LRP1: variants seen among roughly 807,000 people sequenced by gnomAD.
The protein encoded by LRP1 is LDL receptor related protein 1, also known as prolow-density lipoprotein receptor-related protein 1.
LRP1 carries 51 observed loss-of-function variants against 541.5 expected under a neutral mutation model. The observed-to-expected ratio is 0.09, with a 90% CI of 0.08 to 0.12. LRP1 has a LOEUF of 0.12. LRP1 is among the 10% of genes least tolerant of loss of function. The pLI is 1.00. For missense variants in LRP1, 3,878 were observed against 6,376.2 expected (o/e 0.61, Z 13.34); for synonymous variants, 2,219 against 2,470.8 (o/e 0.90, Z 3.02).
At chr12:57,167,224 A>T (rs1004952199) in intron 18 of LRP1, among the ~76,000 whole-genome samples, 178 bp downstream of exon 18, 1 of 151,462 alleles carries the variant, frequency 6.6e-6, no homozygotes, top group Admixed American at 6.6e-5. Flanking sequence ...GTCTCAGCAA[A>T]CTCATGCAGG....
intron 6 of LRP1, among the ~76,000 whole-genome samples, chr12:57,146,218 C>T (rs1429859431): frequency 1.7e-5 from 2 of 116,876 alleles, no homozygotes; most frequent in South Asian, 2.7e-4. Flanking sequence ...ACACCAGCAA[C>T]CTTAAAAGTC....
intron 48 of LRP1, 70 bp downstream of exon 48, chr12:57,194,082 C>A: frequency 7.5e-7 from 1 of 1,337,688 alleles, no homozygotes; most frequent in Non-Finnish European, 1.1e-6. Context: ...CGCCTTCAGG[C>A]CCTCCTGCAC....
rs924428443 is a variant in LRP1, at chr12:57,203,302, G to A, written c.10818+15G>A. ...GCTCGGACGAGGTGGGCAGGGAGAT[G>A]AGAAGGAAGCAGATGGCCTCAGAGG... On this transcript the variant is annotated intron_variant, in intron 69 of 88. Coordinates refer to ENST00000243077, the MANE Select transcript of LRP1 (RefSeq NM_002332.3). 4 of 1,598,160 alleles carry A rather than the reference G, an allele frequency of 2.5e-6. No homozygotes were observed. Among genetic ancestry groups the A allele is most frequent in the Non-Finnish European group, 3.4e-6 (4 of 1,168,580 alleles).
At position 57,177,643 on chromosome 12, in the gene LRP1, G is replaced by T; in HGVS notation, c.4361+52G>T. Reference sequence around the variant, plus strand: ...GCCCAAGTCTGTGGCACCAGGACGGGGTGGGGAGGAACCTGTGGTGATGAG... The same window carrying T: ...GCCCAAGTCTGTGGCACCAGGACGGTGTGGGGAGGAACCTGTGGTGATGAG... On this transcript the variant is annotated intron_variant, in intron 26 of 88. Coordinates refer to ENST00000243077, the MANE Select transcript of LRP1 (RefSeq NM_002332.3). The surrounding 1 kb of genome is among the most constrained non-coding windows in gnomAD (Gnocchi z 6.8). The T allele has an allele frequency of 3.1e-6, 5 of 1,596,682 alleles. No homozygotes were observed. The highest frequency in any genetic ancestry group is 4.3e-6 in the Non-Finnish European group (5 of 1,169,524).
At position 57,184,965 on chromosome 12, in the gene LRP1, G is replaced by C; in HGVS notation, c.6313G>C (p.Glu2105Gln). 6.2e-7 allele frequency: 1 copy of C among 1,614,154 alleles called. No individual in the cohort carries two copies. Among genetic ancestry groups the C allele is most frequent in the South Asian group, 1.1e-5 (1 of 91,074 alleles). ...NMDMFSVSVF[E>Q]DFIYWSDRTH... is the part of the protein sequence containing the mutation. ...GGACATGTTTTCAGTGTCTGTGTTTGAGGATTTCATCTACTGGAGTGACAG... is the reference window on the plus strand; with the variant it reads ...GGACATGTTTTCAGTGTCTGTGTTTCAGGATTTCATCTACTGGAGTGACAG... The change falls in exon 39 of 89, where the codon GAG (glutamate) becomes CAG (glutamine). Residue 2105 changes from glutamate to glutamine, a missense_variant. Around this residue, in one of 13 missense-constraint regions of LRP1, gnomAD observed 1,100 missense variants for 1,827.4 expected, o/e 0.60. Transcript: ENST00000243077. This position sits in a 1 kb window ranked among gnomAD's most constrained non-coding sequence, Gnocchi z 7.8.
In LRP1 at chr12:57,165,763, C is replaced by T. The variant is rs776443472; in HGVS notation, c.2531-42C>T. The T allele has an allele frequency of 1.9e-5, 31 of 1,596,126 alleles. No individual in the cohort carries two copies. Among genetic ancestry groups the T allele is most frequent in the Admixed American group, 1.7e-4 (10 of 59,636 alleles). ...AAGGGCTTAGTACTTGTCCCACGAC[C>T]GGGGTCTGACTTTCCCCCTCACGAT... On this transcript the variant is annotated intron_variant, in intron 15 of 88. Coordinates refer to ENST00000243077, the MANE Select transcript of LRP1 (RefSeq NM_002332.3). This position sits in a 1 kb window ranked among gnomAD's most constrained non-coding sequence, Gnocchi z 4.5.
rs142834460 is a variant in LRP1 at position 57,183,456 on chromosome 12, G to T, written c.5740G>T (p.Ala1914Ser). The change falls in exon 35 of 89, where the codon GCC (alanine) becomes TCC (serine). Residue 1914 changes from alanine to serine, a missense_variant. Ala to Ser is a moderately conservative substitution (Grantham distance 99). Around this residue, in one of 13 missense-constraint regions of LRP1, gnomAD observed 394 missense variants for 635.9 expected, o/e 0.62. Coordinates refer to ENST00000243077, the MANE Select transcript of LRP1 (RefSeq NM_002332.3). The surrounding 1 kb of genome is among the most constrained non-coding windows in gnomAD (Gnocchi z 6.1). The part of the protein sequence containing the change: ...IPLDPNDKSD[A>S]LVPVSGTSLA... ...CCTGGATCCCAATGACAAGTCAGAT[G>T]CCCTGGTCCCAGTGTCCGGGACCTC... is the stretch of plus-strand genomic sequence containing the variant. 1 of 1,614,198 alleles carries T rather than the reference G, an allele frequency of 6.2e-7. No homozygotes were observed. Among genetic ancestry groups the T allele is most frequent in the Non-Finnish European group, 8.5e-7 (1 of 1,180,014 alleles).
In LRP1 at chr12:57,206,795, T is replaced by C; in HGVS notation, c.11859+54T>C. On this transcript the variant is annotated intron_variant, in intron 76 of 88. Transcript: ENST00000243077. This position sits in a 1 kb window ranked among gnomAD's most constrained non-coding sequence, Gnocchi z 4.7. ...TGGAAGAGCTCCATAGAGCAGGCGG[T>C]TCAGAGCAGGATTTGAAAAGGGCAG... is the stretch of plus-strand genomic sequence containing the variant. 1 of 1,584,022 alleles carries C rather than the reference T, an allele frequency of 6.3e-7. No individual in the cohort carries two copies. The highest frequency in any genetic ancestry group is 8.6e-7 in the Non-Finnish European group (1 of 1,167,862).
In LRP1 at chr12:57,205,801, CAT is replaced by C. The variant is rs2036765795; in HGVS notation, c.11590+126_11590+127del. The C allele has an allele frequency of 7.1e-7, 1 of 1,402,016 alleles. No homozygotes were observed. Among genetic ancestry groups the C allele is most frequent in the Non-Finnish European group, 9.6e-7 (1 of 1,043,354 alleles). 86.8% of individuals were successfully genotyped at this position (1,402,016 alleles called of 1,614,324 possible). On this transcript the variant is annotated intron_variant, in intron 75 of 88. Transcript: ENST00000243077. The surrounding 1 kb of genome is among the most constrained non-coding windows in gnomAD (Gnocchi z 4.6). ...TTGCCCAGACAAGAAGCCCCAGACT[CAT>C]AGTTGCAGCTGCCTGAGCACAGTGC...
Position 57,167,555 on chromosome 12 carries a change from C to G in LRP1, c.2995+31C>G. ...AGCTTGCTCTCCTCACCTGCTGATT[C>G]CTAAGACAGCTAGAGGCTACAGCCA... is the stretch of plus-strand genomic sequence containing the variant. On this transcript the variant is annotated intron_variant, in intron 19 of 88. Transcript: ENST00000243077. 1.9e-6 allele frequency: 3 copies of G among 1,570,668 alleles called. No homozygotes were observed. The South Asian group carries it at 3.3e-5, about 17-fold the overall frequency.
At chr12:57,198,439 A>T in intron 59 of LRP1, 26 bp from the exon 60 acceptor site, 1 of 1,611,356 alleles carries the variant, frequency 6.2e-7, no homozygotes, top group South Asian at 1.1e-5. Context: ...GGGATCTCCC[A>T]GGGCTCACTG....
In LRP1 at chr12:57,156,072, C is replaced by G. The variant is rs781742740; in HGVS notation, c.1228-22C>G. ...GGAACCCCTGTCATCTCATGCTGTC[C>G]ATTCTTGCCTGCCCGTCTCAGATTG... On this transcript the variant is annotated intron_variant, in intron 8 of 88. Transcript: ENST00000243077. This position sits in a 1 kb window ranked among gnomAD's most constrained non-coding sequence, Gnocchi z 5.2. 5 of 1,606,610 alleles carry G rather than the reference C, an allele frequency of 3.1e-6. No individual in the cohort carries two copies. The Admixed American group carries it at 8.4e-5, about 27-fold the overall frequency.
chr12:57,165,787 A>C lies in LRP1; in HGVS notation c.2531-18A>C, dbSNP rs752994882. ...CCGGGGTCTGACTTTCCCCCTCACG[A>C]TCCTGTGGTGCCCACAGCGAACCCA... On this transcript the variant is annotated intron_variant, in intron 15 of 88. Coordinates refer to ENST00000243077, the MANE Select transcript of LRP1 (RefSeq NM_002332.3). This position sits in a 1 kb window ranked among gnomAD's most constrained non-coding sequence, Gnocchi z 4.5. 2 of 1,611,234 alleles carry C rather than the reference A, an allele frequency of 1.2e-6. No individual in the cohort carries two copies. The highest frequency in any genetic ancestry group is 1.7e-6 in the Non-Finnish European group (2 of 1,177,562).
rs946820795 is a variant in LRP1, at chr12:57,195,462, G to A, written c.8437+63G>A. ...ATGGCCACAGTCTCACTTTGCAGAT[G>A]GGGAAGCCGGGGTGCAGGAGAGGAA... On this transcript the variant is annotated intron_variant, in intron 52 of 88. Transcript: ENST00000243077. The A allele has an allele frequency of 2.5e-6, 4 of 1,588,504 alleles. No homozygotes were observed. In the African/African-American group the frequency reaches 5.4e-5, roughly 21 times the overall value.
intron 79 of LRP1, 108 bp from the exon 80 acceptor site, chr12:57,209,584 A>G: frequency 1.1e-6 from 1 of 905,284 alleles, no homozygotes; most frequent in Non-Finnish European, 1.8e-6. Flanking sequence ...TTTGGTCTGG[A>G]TGTGTTGAGT....
In LRP1 at chr12:57,197,286, C is replaced by CCT; in HGVS notation, c.9077-10_9077-9dup. On this transcript the variant is annotated splice_polypyrimidine_tract_variant and intron_variant, in intron 56 of 88. Coordinates refer to ENST00000243077, the MANE Select transcript of LRP1 (RefSeq NM_002332.3). This position sits in a 1 kb window ranked among gnomAD's most constrained non-coding sequence, Gnocchi z 4.5. The stretch of plus-strand genomic sequence containing the variant: ...AATGTGCCAGGAGCTGAGGCAAGAT[C>CCT]CTCTGTCTGCAGACGAGGAACCGTT... The CCT allele has an allele frequency of 6.2e-7, 1 of 1,613,710 alleles. No individual in the cohort carries two copies.
In LRP1 at chr12:57,190,976, C is replaced by G. The variant is rs757500774; in HGVS notation, c.7203C>G (p.Ile2401Met). ...LYFSDATLDK[I>M]ERCEYDGSHR... ...TCTCTGACGCCACCCTGGACAAGAT[C>G]GAGCGGTGCGAGTATGACGGCTCCC... Residue 2401 changes from isoleucine to methionine, a missense_variant, in exon 43 of 89, where the codon ATC (isoleucine) becomes ATG (methionine). This residue lies in a region of LRP1 where 1,100 missense variants were observed against 1,827.4 expected (regional missense o/e 0.60). Transcript: ENST00000243077. 9 of 1,612,228 alleles carry G rather than the reference C, an allele frequency of 5.6e-6. No individual in the cohort carries two copies. In the African/African-American group the frequency reaches 1.1e-4, roughly 19 times the overall value.
rs1341434368 is a variant in LRP1, at chr12:57,154,688, T to C, written c.1214T>C (p.Ile405Thr). The C allele has an allele frequency of 5.8e-6, 9 of 1,560,676 alleles. No homozygotes were observed. The highest frequency in any genetic ancestry group is 7.8e-6 in the Non-Finnish European group (9 of 1,151,996). The change falls in exon 8 of 89, where the codon ATC becomes ACC. Residue 405 changes from isoleucine to threonine, a missense_variant. By Grantham distance (89) the Ile-to-Thr change is moderately conservative (BLOSUM62 -1). Transcript: ENST00000243077. The surrounding 1 kb of genome is among the most constrained non-coding windows in gnomAD (Gnocchi z 4.6). ...DYEGKGRQTI[I>T]QGILIEHLYG... The stretch of plus-strand genomic sequence containing the variant: ...GAGGGCAAGGGCCGCCAGACCATCA[T>C]CCAGGGCATCCTGGTGAGGGAGCTA...
rs1333331707 is a variant in LRP1, at chr12:57,183,226, C to G, written c.5663-153C>G. On this transcript the variant is annotated intron_variant, in intron 34 of 88. Transcript: ENST00000243077. This position sits in a 1 kb window ranked among gnomAD's most constrained non-coding sequence, Gnocchi z 6.1. ...GCTTCCTCCCGGCCCATGCTCTGGCCTCAGGCTAGGGTGTGTGTGCTGGGT... is the reference window on the plus strand; with the variant it reads ...GCTTCCTCCCGGCCCATGCTCTGGCGTCAGGCTAGGGTGTGTGTGCTGGGT... Among the ~76,000 whole-genome samples, 6 of 151,918 alleles carry G rather than the reference C, an allele frequency of 3.9e-5. No homozygotes were observed. The highest frequency in any genetic ancestry group is 8.8e-5 in the Non-Finnish European group (6 of 67,978).
Sources: gnomAD v4.1 joint callset for allele counts (sites outside exome capture counted in the v4.1 genomes callset) on GRCh38, gnomAD v4.1.1 for gene constraint, gnomAD v4.1.1 regional missense constraint, Gnocchi (gnomAD v3.1) non-coding constraint, MANE v1.5 for transcripts, NCBI Gene and HGNC (gene_info 2026-07-23, HGNC 2026-07-21) for gene names.